SPATS2L: variants seen among roughly 807,000 people sequenced by gnomAD.
SPATS2L encodes spermatogenesis associated serine rich 2 like, also known as SPATS2-like protein.
In SPATS2L, 30 loss-of-function variants were observed where a neutral mutation model predicts 59.6. The observed-to-expected ratio is 0.50, with a 90% CI of 0.38 to 0.68. SPATS2L has a LOEUF of 0.68. Ranked by LOEUF, SPATS2L falls within the 30% of genes least tolerant of loss-of-function variation. The probability of loss-of-function intolerance (pLI) is 0.00; values close to 1 mark genes in which losing one functional copy is unlikely to be tolerated. For synonymous variants in SPATS2L, 252 were observed against 263.5 expected (o/e 0.96, Z 0.42); for missense variants, 615 against 700.0 (o/e 0.88, Z 1.37).
chr2:200,344,465 C>CT (rs2080442945), intron 2 of SPATS2L, among the ~76,000 whole-genome samples: 1 of 152,178 alleles, frequency 6.6e-6, no homozygotes, highest in African/African-American at 2.4e-5. Flanking sequence ...TTTATCCAGT[C>CT]TATCACTGAT....
chr2:200,451,912 C>T (rs1422812290), intron 8 of SPATS2L, among the ~76,000 whole-genome samples: 12 of 151,042 alleles, frequency 7.9e-5, no homozygotes, highest in Admixed American at 2.6e-4. Flanking sequence ...GGGCATTTTG[C>T]TTTATTTTGT....
intron 8 of SPATS2L, among the ~76,000 whole-genome samples, chr2:200,455,066 T>G (rs1374528617): frequency 1.3e-5 from 2 of 152,206 alleles, no homozygotes; most frequent in Non-Finnish European, 2.9e-5. Flanking sequence ...TAAGCTTATG[T>G]CTCCAATGAT....
In SPATS2L at chr2:200,306,935, C is replaced by A. The variant is rs905303847; in HGVS notation, c.-73+13C>A. 4.1e-6 allele frequency: 4 copies of A among 982,094 alleles called. No homozygotes were observed. The African/African-American group carries it at 5.3e-5, about 13-fold the overall frequency. The allele number at this position is 982,094 out of a possible 1,614,324, so 60.8% of individuals were successfully genotyped here. A position where few individuals can be genotyped will look rare whatever the true frequency, so the allele number is the denominator to read the frequency against. On this transcript the variant is annotated intron_variant, in intron 1 of 12. Coordinates refer to ENST00000409140, the MANE Select transcript of SPATS2L (RefSeq NM_001100423.2). ...GCTCGACACAGAGGTAAGCCCAGGA[C>A]CCCCTCCACGCCGGGCCGGCTGGGG...
chr2:200,396,033 AATAT>A (rs1553520465), intron 3 of SPATS2L, among the ~76,000 whole-genome samples: 58 of 21,128 alleles, frequency 2.7e-3, no homozygotes, highest in African/African-American at 7.2e-3. Context: ...AAAAAAAAAA[AATAT>A]ATATATATAT....
At chr2:200,380,618 C>A (rs888308945) in intron 2 of SPATS2L, among the ~76,000 whole-genome samples, 1 of 152,192 alleles carries the variant, frequency 6.6e-6, no homozygotes, top group Non-Finnish European at 1.5e-5. Flanking sequence ...TTCTTCCCCC[C>A]ACAAAGAACT....
intron 2 of SPATS2L, among the ~76,000 whole-genome samples, chr2:200,361,423 TAA>T (rs1055178623): frequency 9.8e-5 from 15 of 152,320 alleles, no homozygotes; most frequent in Admixed American, 9.8e-4. Flanking sequence ...GGCAGAATTC[TAA>T]TATGACATTC....
At chr2:200,417,491 A>G (rs2083113571) in intron 5 of SPATS2L, among the ~76,000 whole-genome samples, 1 of 152,160 alleles carries the variant, frequency 6.6e-6, no homozygotes, top group African/African-American at 2.4e-5. Flanking sequence ...GAAAAATTTC[A>G]AATGTGTGGT....
intron 2 of SPATS2L, among the ~76,000 whole-genome samples, chr2:200,388,571 G>C (rs13007191): frequency 6.7e-6 from 1 of 149,698 alleles, no homozygotes; most frequent in African/African-American, 2.5e-5. Context: ...TTTTCCTTTA[G>C]GTTTGTTTTG....
At chr2:200,348,932 G>T (rs2080616777) in intron 2 of SPATS2L, among the ~76,000 whole-genome samples, 1 of 151,884 alleles carries the variant, frequency 6.6e-6, no homozygotes, top group Admixed American at 6.6e-5. Context: ...ATTTGGGTTG[G>T]CTCTATTCCT....
intron 8 of SPATS2L, among the ~76,000 whole-genome samples, chr2:200,454,744 G>A (rs994465673): frequency 6.6e-6 from 1 of 152,196 alleles, no homozygotes. Flanking sequence ...TGAAACATGT[G>A]AGGTCCGCGT....
intron 2 of SPATS2L, among the ~76,000 whole-genome samples, chr2:200,332,747 G>GAAA (rs35758472): frequency 7.2e-6 from 1 of 139,574 alleles, no homozygotes; most frequent in Admixed American, 7.1e-5. Flanking sequence ...TTTTTTTTTT[G>GAAA]AAAAAAAAAA....
chr2:200,453,247 G>A (rs2085592876), intron 8 of SPATS2L, among the ~76,000 whole-genome samples: 1 of 152,226 alleles, frequency 6.6e-6, no homozygotes, highest in South Asian at 2.1e-4. Flanking sequence ...CAGCAAGGAA[G>A]AGCCGGGAAT....
intron 2 of SPATS2L, among the ~76,000 whole-genome samples, chr2:200,338,477 CA>C (rs1352705217): frequency 6.6e-6 from 1 of 152,064 alleles, no homozygotes. Context: ...ATGAGAGCTG[CA>C]AAAAACCTGA....
intron 3 of SPATS2L, among the ~76,000 whole-genome samples, chr2:200,409,612 T>G (rs2082806139): frequency 6.6e-6 from 1 of 152,216 alleles, no homozygotes; most frequent in Non-Finnish European, 1.5e-5. Flanking sequence ...GCCCAGAAAT[T>G]TACTAGAATT....
At chr2:200,456,208 G>C (rs1190548945) in intron 8 of SPATS2L, among the ~76,000 whole-genome samples, 1 of 152,210 alleles carries the variant, frequency 6.6e-6, no homozygotes, top group Non-Finnish European at 1.5e-5. Flanking sequence ...CAGTTCATCA[G>C]CTCCAAGCTG....
chr2:200,362,948 A>G (rs1221674936), intron 2 of SPATS2L, among the ~76,000 whole-genome samples: 1 of 152,168 alleles, frequency 6.6e-6, no homozygotes, highest in Non-Finnish European at 1.5e-5. Context: ...GCTACTGTAC[A>G]ATTGAATTAA....
At chr2:200,413,990 C>A (rs2082973831) in intron 4 of SPATS2L, among the ~76,000 whole-genome samples, 1 of 152,122 alleles carries the variant, frequency 6.6e-6, no homozygotes, top group African/African-American at 2.4e-5. Context: ...ATAAGCATAT[C>A]CTGGATCAGA....
intron 2 of SPATS2L, among the ~76,000 whole-genome samples, chr2:200,359,222 T>C (rs987771415): frequency 3.3e-5 from 5 of 152,182 alleles, no homozygotes; most frequent in Non-Finnish European, 7.3e-5. Context: ...TACTGAGGCT[T>C]GATCATATTC....
intron 2 of SPATS2L, among the ~76,000 whole-genome samples, chr2:200,366,333 AG>A (rs1356558174): frequency 6.6e-6 from 1 of 152,202 alleles, no homozygotes; most frequent in Non-Finnish European, 1.5e-5. Context: ...TACTTATCAT[AG>A]AATATCCTCT....
Sources: gnomAD v4.1 joint callset for allele counts (sites outside exome capture counted in the v4.1 genomes callset) on GRCh38, gnomAD v4.1.1 for gene constraint, MANE v1.5 for transcripts, NCBI Gene and HGNC (gene_info 2026-07-23, HGNC 2026-07-21) for gene names.